Variants in DIP2B observed in about 807,000 individuals in gnomAD.
DIP2B encodes the protein DIP2 acetate--CoA ligase B (putative).
DIP2B carries 76 observed loss-of-function variants against 198.0 expected under a neutral mutation model. The observed-to-expected ratio is 0.38, with a 90% CI of 0.32 to 0.46. The LOEUF is 0.46. Among genes scored for constraint, DIP2B ranks in the 20% least tolerant of loss-of-function variants. The pLI is 0.99. For missense variants in DIP2B, 1,559 were observed against 1,978.4 expected (o/e 0.79, Z 4.02); for synonymous variants, 701 against 739.1 (o/e 0.95, Z 0.84).
At chr12:50,567,112 T>G (rs1168054995) in intron 1 of DIP2B, among the ~76,000 whole-genome samples, 1 of 152,184 alleles carries the variant, frequency 6.6e-6, no homozygotes, top group Non-Finnish European at 1.5e-5. Flanking sequence ...TTTGACACAC[T>G]TTTCTGTTGT....
At chr12:50,735,360 GTTATTC>G (rs761672370) in intron 34 of DIP2B, among the ~76,000 whole-genome samples, 5 of 151,914 alleles carry the variant, frequency 3.3e-5, no homozygotes, top group Admixed American at 6.6e-5. Context: ...CAACTGACAT[GTTATTC>G]TTATTGACAG....
Position 50,698,346 on chromosome 12 carries a change from C to A in DIP2B, c.2067C>A (p.Ala689=), listed in dbSNP as rs764498936. The A allele has an allele frequency of 6.8e-6, 11 of 1,612,694 alleles. No individual in the cohort carries two copies. In the African/African-American group the frequency reaches 1.5e-4, roughly 22 times the overall value. ...TTTTCAGGCCTGGAGTTCCAGGAGC[C>A]CCTTTGCCAGGAAGAGCCATTCTCT... ...VAIRRPGVPG[A]PLPGRAILSM... The change falls in exon 18 of 38, where the codon GCC becomes GCA. Residue 689 remains alanine, a synonymous_variant. Transcript: ENST00000301180.
chr12:50,626,110 A>G (rs1593666505), intron 2 of DIP2B, 63 bp downstream of exon 2: 13 of 1,517,576 alleles, frequency 8.6e-6, no homozygotes, highest in Non-Finnish European at 9.1e-6. Flanking sequence ...GCTGTCTTAC[A>G]AGACCTCTAT....
In DIP2B at chr12:50,747,583, G is replaced by A. The variant is rs1450169345; in HGVS notation, c.*2744G>A. 6.6e-6 allele frequency: 1 copy of A among 152,224 alleles called. No homozygotes were observed. Among genetic ancestry groups the A allele is most frequent in the Non-Finnish European group, 1.5e-5 (1 of 68,050 alleles). The allele number at this position is 152,224 out of a possible 1,614,324, so 9.4% of individuals were successfully genotyped here. On this transcript the variant is annotated 3_prime_UTR_variant, in exon 38 of 38. Coordinates refer to ENST00000301180, the MANE Select transcript of DIP2B (RefSeq NM_173602.3). The stretch of plus-strand genomic sequence containing the variant: ...GACTCGAGTAAGAAAATGTTCTCTT[G>A]ATGACACAGTGCTCCTACTCTATCC...
At chr12:50,623,003 T>C (rs1475539701) in intron 1 of DIP2B, among the ~76,000 whole-genome samples, 3 of 152,008 alleles carry the variant, frequency 2.0e-5, no homozygotes, top group Non-Finnish European at 4.4e-5. Context: ...TTAGCAAATA[T>C]ACACCTATGG....
At chr12:50,516,061 G>C (rs1958060396) in intron 1 of DIP2B, among the ~76,000 whole-genome samples, 1 of 152,188 alleles carries the variant, frequency 6.6e-6, no homozygotes, top group Non-Finnish European at 1.5e-5. Flanking sequence ...TGTCTGATGA[G>C]AGCCTGCTGT....
chr12:50,741,125 A>G (rs908663161), intron 36 of DIP2B, among the ~76,000 whole-genome samples: 1 of 152,254 alleles, frequency 6.6e-6, no homozygotes, highest in Non-Finnish European at 1.5e-5. Flanking sequence ...ACAGTTCCTA[A>G]CATGTAATAA....
intron 1 of DIP2B, among the ~76,000 whole-genome samples, chr12:50,564,764 A>G (rs1247689269): frequency 6.6e-6 from 1 of 152,034 alleles, no homozygotes; most frequent in Admixed American, 6.6e-5. Flanking sequence ...TAATTTTGTC[A>G]TTGGTACCTT....
At chr12:50,720,881 GTCGC>G (rs1939823646) in intron 25 of DIP2B, among the ~76,000 whole-genome samples, 1 of 152,168 alleles carries the variant, frequency 6.6e-6, no homozygotes, top group Non-Finnish European at 1.5e-5. Context: ...ATCTCGCTCT[GTCGC>G]CCAGGCATTG....
chr12:50,734,878 G>A (rs959409353), intron 33 of DIP2B, among the ~76,000 whole-genome samples, 195 bp from the exon 34 acceptor site: 5 of 152,160 alleles, frequency 3.3e-5, no homozygotes, highest in African/African-American at 1.2e-4. Flanking sequence ...GGTAAACACC[G>A]CAATGCACAG....
Position 50,721,370 on chromosome 12 carries a change from A to T in DIP2B, c.3140A>T (p.Asp1047Val). ...LGDKGHLNAG[D>V]NVVLLYPPGI... ...GATAAGGGACATCTAAATGCAGGAG[A>T]TAATGTGGTGTTGCTCTATCCACCT... The change falls in exon 26 of 38, where the codon GAT becomes GTT. Residue 1047 changes from aspartate (D) to valine (V), a missense_variant. Transcript: ENST00000301180. 6.2e-7 allele frequency: 1 copy of T among 1,614,126 alleles called. No homozygotes were observed. The highest frequency in any genetic ancestry group is 1.1e-5 in the South Asian group (1 of 91,080).
chr12:50,656,565 CT>C (rs556696178), intron 3 of DIP2B, among the ~76,000 whole-genome samples: 287 of 152,154 alleles, frequency 1.9e-3, no homozygotes, highest in Middle Eastern at 6.8e-3. Flanking sequence ...GAAAGGAAAG[CT>C]TTTTTTCTTT....
At chr12:50,585,200 CTTT>C (rs1334431572) in intron 1 of DIP2B, among the ~76,000 whole-genome samples, 1 of 152,244 alleles carries the variant, frequency 6.6e-6, no homozygotes, top group Non-Finnish European at 1.5e-5. Context: ...TCAATCTGTT[CTTT>C]GTCACATTAT....
At position 50,732,419 on chromosome 12, in the gene DIP2B, G is replaced by A. The variant is rs115732108; in HGVS notation, c.3864G>A (p.Glu1288=). The A allele has an allele frequency of 1.2e-3, 1,860 of 1,614,228 alleles. 18 individuals carry two copies. The African/African-American group carries it at 0.022, about 19-fold the overall frequency. ...CVRTCVVVAE[E]RPRVALQQSF... Reference sequence around the variant, plus strand: ...GGACCTGTGTGGTGGTGGCGGAGGAGAGGCCCCGCGTTGCACTCCAGCAGT... The same window carrying A: ...GGACCTGTGTGGTGGTGGCGGAGGAAAGGCCCCGCGTTGCACTCCAGCAGT... Residue 1288 remains glutamate, a synonymous_variant, in exon 32 of 38, where the codon GAG becomes GAA. Coordinates refer to ENST00000301180, the MANE Select transcript of DIP2B (RefSeq NM_173602.3).
At chr12:50,701,974 A>G (rs1342692576) in intron 19 of DIP2B, among the ~76,000 whole-genome samples, 1 of 152,168 alleles carries the variant, frequency 6.6e-6, no homozygotes, top group Non-Finnish European at 1.5e-5. Context: ...TAAGAATTAT[A>G]CAGATGAGGC....
chr12:50,602,672 A>T (rs1258609546), intron 1 of DIP2B, among the ~76,000 whole-genome samples: 26 of 140,468 alleles, frequency 1.9e-4, no homozygotes, highest in East Asian at 4.3e-4. Context: ...CATCCTGGCC[A>T]ACATGGTGAA....
chr12:50,721,367 G>A lies in DIP2B; in HGVS notation c.3137G>A (p.Gly1046Glu). 1.2e-6 allele frequency: 2 copies of A among 1,614,186 alleles called. No individual in the cohort carries two copies. Among genetic ancestry groups the A allele is most frequent in the Non-Finnish European group, 1.7e-6 (2 of 1,180,022 alleles). ...GGTGATAAGGGACATCTAAATGCAG[G>A]AGATAATGTGGTGTTGCTCTATCCA... ...VLGDKGHLNA[G>E]DNVVLLYPPG... Residue 1046 changes from glycine (G) to glutamate (E), a missense_variant, in exon 26 of 38, where the codon GGA becomes GAA. Physicochemically the swap from Gly to Glu is moderately conservative, Grantham distance 98. Transcript: ENST00000301180.
chr12:50,690,673 C>T (rs1005131833), intron 12 of DIP2B, among the ~76,000 whole-genome samples: 9 of 152,208 alleles, frequency 5.9e-5, no homozygotes, highest in Non-Finnish European at 8.8e-5. Flanking sequence ...GTGCTTCTAA[C>T]GCACAGAGAC....
At chr12:50,665,229 G>A (rs1422751238) in intron 4 of DIP2B, among the ~76,000 whole-genome samples, 1 of 152,154 alleles carries the variant, frequency 6.6e-6, no homozygotes, top group African/African-American at 2.4e-5. Flanking sequence ...TGGAATTATA[G>A]TACATTATGG....
Sources: allele counts gnomAD v4.1 joint callset (sites outside exome capture counted in the v4.1 genomes callset), GRCh38; gene constraint gnomAD v4.1.1; transcripts MANE v1.5; gene names NCBI Gene and HGNC (gene_info 2026-07-23, HGNC 2026-07-21).